The following RBFOX1 variants were observed in gnomAD, a reference collection of about 807,000 sequenced individuals.
RBFOX1 encodes the protein RNA binding fox-1 homolog 1, also known as RNA binding protein fox-1 homolog 1.
In RBFOX1, 8 loss-of-function variants were observed where a neutral mutation model predicts 57.7. The observed-to-expected ratio is 0.14, with a 90% CI of 0.08 to 0.25. The LOEUF is 0.25. Ranked by LOEUF, RBFOX1 falls within the 10% of genes least tolerant of loss-of-function variation. The pLI, the probability that RBFOX1 is intolerant of heterozygous loss-of-function variation, is 1.00. For missense variants in RBFOX1, 611 were observed against 548.5 expected (o/e 1.11, Z -1.14); for synonymous variants, 326 against 222.4 (o/e 1.47, Z -4.15).
At chr16:7,626,565 T>C (rs1273152228) in intron 10 of RBFOX1, among the ~76,000 whole-genome samples, 1 of 152,180 alleles carries the variant, frequency 6.6e-6, no homozygotes, top group Non-Finnish European at 1.5e-5. Context: ...TGCCAGGTGC[T>C]GATACAGTCA....
intron 3 of RBFOX1, among the ~76,000 whole-genome samples, chr16:5,608,977 G>A (rs533855361): frequency 2.6e-5 from 4 of 152,160 alleles, no homozygotes; most frequent in South Asian, 2.1e-4. Context: ...TATCCATTTC[G>A]CCAATCCATG....
chr16:6,902,773 C>G (rs1596651041), intron 3 of RBFOX1, among the ~76,000 whole-genome samples: 1 of 152,130 alleles, frequency 6.6e-6, no homozygotes, highest in South Asian at 2.1e-4. Flanking sequence ...AGGAACCCTT[C>G]AACTCATCAT....
intron 3 of RBFOX1, among the ~76,000 whole-genome samples, chr16:5,662,900 A>G (rs2049704168): frequency 6.6e-6 from 1 of 152,230 alleles, no homozygotes; most frequent in Non-Finnish European, 1.5e-5. Context: ...TTAAATAAAG[A>G]GCATATATCA....
intron 4 of RBFOX1, among the ~76,000 whole-genome samples, chr16:7,274,574 C>T (rs530325463): frequency 1.6e-4 from 24 of 152,290 alleles, no homozygotes; most frequent in Non-Finnish European, 2.8e-4. Flanking sequence ...AATCACTTCT[C>T]TCTGGAACTA....
chr16:5,751,260 C>G (rs373503983), intron 3 of RBFOX1, among the ~76,000 whole-genome samples: 2 of 152,152 alleles, frequency 1.3e-5, no homozygotes, highest in Non-Finnish European at 2.9e-5. Flanking sequence ...AGTTTCTTCT[C>G]AGCTCTAAAC....
intron 2 of RBFOX1, among the ~76,000 whole-genome samples, chr16:6,643,758 A>G (rs1485242259): frequency 6.6e-6 from 1 of 152,124 alleles, no homozygotes; most frequent in African/African-American, 2.4e-5. Context: ...TTCACCTGTA[A>G]AATGGAAACA....
At chr16:6,950,214 TC>T (rs2080428992) in intron 3 of RBFOX1, among the ~76,000 whole-genome samples, 2 of 147,512 alleles carry the variant, frequency 1.4e-5, no homozygotes, top group South Asian at 4.4e-4. Context: ...TGCCTCAGCC[TC>T]CCAAAGCGCC....
chr16:5,705,707 T>C (rs7196651), intron 3 of RBFOX1, among the ~76,000 whole-genome samples: 114,979 of 151,964 alleles, frequency 0.76, 49,171 homozygotes, highest in Non-Finnish European at 0.94. Flanking sequence ...CTCATCATCC[T>C]AACAAGGGGA....
At chr16:5,579,599 G>T (rs1433008633) in intron 2 of RBFOX1, among the ~76,000 whole-genome samples, 2 of 152,054 alleles carry the variant, frequency 1.3e-5, no homozygotes, top group African/African-American at 4.8e-5. Context: ...ACGCCCTGGT[G>T]ACCCCGTTTT....
At chr16:5,497,142 T>C (rs978335547) in intron 2 of RBFOX1, among the ~76,000 whole-genome samples, 3 of 152,244 alleles carry the variant, frequency 2.0e-5, no homozygotes, top group Non-Finnish European at 4.4e-5. Flanking sequence ...GAAGTTTGAA[T>C]TGACATTTCC....
At chr16:6,274,280 A>C (rs974128960) in intron 1 of RBFOX1, among the ~76,000 whole-genome samples, 1 of 152,210 alleles carries the variant, frequency 6.6e-6, no homozygotes, top group Non-Finnish European at 1.5e-5. Flanking sequence ...CATAATAGAT[A>C]GAAACTGGGA....
intron 3 of RBFOX1, among the ~76,000 whole-genome samples, chr16:6,692,164 G>C (rs1603429410): frequency 6.6e-6 from 1 of 152,112 alleles, no homozygotes; most frequent in Admixed American, 6.5e-5. Context: ...TTTTACAGAT[G>C]ACAAAACCAA....
chr16:6,253,073 C>A (rs1374542470), intron 1 of RBFOX1, among the ~76,000 whole-genome samples: 1 of 152,128 alleles, frequency 6.6e-6, no homozygotes, highest in Non-Finnish European at 1.5e-5. Context: ...ACCCTGCCAT[C>A]TCTCCTTCTT....
At chr16:6,707,802 A>T (rs1385160069) in intron 3 of RBFOX1, among the ~76,000 whole-genome samples, 2 of 152,132 alleles carry the variant, frequency 1.3e-5, no homozygotes, top group Admixed American at 6.5e-5. Context: ...ATTCTTATTT[A>T]TGTGTTCAAT....
chr16:5,605,093 AG>A (rs1215005729), downstream of RBFOX1, among the ~76,000 whole-genome samples: 2 of 152,182 alleles, frequency 1.3e-5, no homozygotes, highest in African/African-American at 4.8e-5. Context: ...AGTTTGAGGC[AG>A]GTTTGCTTGT....
At chr16:7,114,623 T>C (rs1488059500) in intron 4 of RBFOX1, among the ~76,000 whole-genome samples, 2 of 152,226 alleles carry the variant, frequency 1.3e-5, no homozygotes, top group Non-Finnish European at 2.9e-5. Flanking sequence ...TGAATGTTTC[T>C]GAAACGCCTT....
intron 1 of RBFOX1, among the ~76,000 whole-genome samples, chr16:6,125,188 C>T (rs2096580559): frequency 6.6e-6 from 1 of 152,174 alleles, no homozygotes; most frequent in Admixed American, 6.5e-5. Context: ...CCTCCTCTTA[C>T]AGTCATATCT....
intron 4 of RBFOX1, among the ~76,000 whole-genome samples, chr16:7,418,400 G>A (rs771027988): frequency 2.6e-5 from 4 of 152,194 alleles, no homozygotes; most frequent in Non-Finnish European, 5.9e-5. Flanking sequence ...CATGTCCCAT[G>A]GTGTCCAGGA....
chr16:6,234,447 T>C (rs2097489801), intron 1 of RBFOX1, among the ~76,000 whole-genome samples: 1 of 152,210 alleles, frequency 6.6e-6, no homozygotes, highest in Non-Finnish European at 1.5e-5. Flanking sequence ...TTACCCTTCC[T>C]GCCACTTAGC....
Sources: gnomAD v4.1 joint callset for allele counts (sites outside exome capture counted in the v4.1 genomes callset) on GRCh38, gnomAD v4.1.1 for gene constraint, MANE v1.5 for transcripts, NCBI Gene and HGNC (gene_info 2026-07-23, HGNC 2026-07-21) for gene names.